Variants in IQCM observed in about 807,000 individuals in gnomAD.
IQCM encodes IQ motif containing M.
A neutral mutation model predicts 57.6 loss-of-function variants in IQCM; 45 were observed. The ratio of observed to expected loss-of-function variants is 0.78; its 90% CI spans 0.62 to 1.00. The LOEUF (loss-of-function observed/expected upper bound fraction) is 1.00, where lower values mean the gene tolerates loss of function less well. IQCM is among the 50% of genes least tolerant of loss of function. IQCM has a pLI of 0.00. For missense variants in IQCM, 468 were observed against 511.6 expected (o/e 0.91, Z 0.82); for synonymous variants, 148 against 158.9 (o/e 0.93, Z 0.51).
At chr4:149,631,225 A>C (rs992939335) in intron 7 of IQCM, among the ~76,000 whole-genome samples, 2 of 152,236 alleles carry the variant, frequency 1.3e-5, no homozygotes, top group South Asian at 4.1e-4. Context: ...CCACTGGGAG[A>C]GAACTATCGG....
intron 5 of IQCM, among the ~76,000 whole-genome samples, chr4:149,709,072 ATG>A (rs1764368302): frequency 6.6e-6 from 1 of 152,130 alleles, no homozygotes; most frequent in Admixed American, 6.6e-5. Context: ...TGACAAAAAC[ATG>A]TGTCACAGTT....
intron 7 of IQCM, chr4:149,665,912 C>T (rs916116742): frequency 6.6e-6 from 1 of 152,120 alleles, no homozygotes; most frequent in Non-Finnish European, 1.5e-5. Flanking sequence ...TGCCCTCAAA[C>T]ATCAGACTCA....
At chr4:149,511,335 A>T (rs755682586) in intron 12 of IQCM, among the ~76,000 whole-genome samples, 20 of 151,718 alleles carry the variant, frequency 1.3e-4, no homozygotes, top group South Asian at 8.3e-4. Flanking sequence ...ATTGGCCAAC[A>T]TGGTGAAACC....
At chr4:149,375,825 A>G (rs552254425) in intron 13 of IQCM, among the ~76,000 whole-genome samples, 4 of 152,288 alleles carry the variant, frequency 2.6e-5, no homozygotes, top group Non-Finnish European at 5.9e-5. Context: ...TAAACTTACA[A>G]ATAATCATTT....
At chr4:149,381,317 T>G (rs1253734561) in intron 13 of IQCM, among the ~76,000 whole-genome samples, 6 of 152,132 alleles carry the variant, frequency 3.9e-5, no homozygotes, top group African/African-American at 1.4e-4. Flanking sequence ...CAGTCTATTT[T>G]CTACACAGCA....
intron 13 of IQCM, among the ~76,000 whole-genome samples, chr4:149,356,896 T>C (rs1729035549): frequency 6.6e-6 from 1 of 152,214 alleles, no homozygotes; most frequent in South Asian, 2.1e-4. Context: ...GTTCTTCCAT[T>C]TCTTTGTATC....
chr4:149,637,321 A>C (rs1051459279), intron 7 of IQCM, among the ~76,000 whole-genome samples: 6 of 152,300 alleles, frequency 3.9e-5, no homozygotes, highest in Admixed American at 2.0e-4. Context: ...GGGTAAATTT[A>C]ATAAATAGCA....
intron 13 of IQCM, among the ~76,000 whole-genome samples, chr4:149,356,174 T>C (rs1728962723): frequency 6.6e-6 from 1 of 152,150 alleles, no homozygotes; most frequent in Admixed American, 6.6e-5. Flanking sequence ...GTTGCAAAAA[T>C]TTTCTCCCAT....
At chr4:149,679,947 G>C (rs987472008) in intron 7 of IQCM, among the ~76,000 whole-genome samples, 1 of 151,256 alleles carries the variant, frequency 6.6e-6, no homozygotes, top group Non-Finnish European at 1.5e-5. Context: ...ACAAAGTGTG[G>C]ACCACTCTTA....
At chr4:149,534,698 T>C (rs752066314) in intron 12 of IQCM, among the ~76,000 whole-genome samples, 4 of 152,082 alleles carry the variant, frequency 2.6e-5, no homozygotes, top group Non-Finnish European at 4.4e-5. Context: ...TCCATAAACA[T>C]CTCCTTTTAT....
At chr4:149,618,358 G>A (rs1216195823) in intron 8 of IQCM, among the ~76,000 whole-genome samples, 4 of 152,040 alleles carry the variant, frequency 2.6e-5, no homozygotes, top group African/African-American at 9.7e-5. Flanking sequence ...AACTCAAGAT[G>A]GATTAAAGAC....
At chr4:149,686,971 A>G (rs1253201306) in intron 5 of IQCM, among the ~76,000 whole-genome samples, 1 of 151,658 alleles carries the variant, frequency 6.6e-6, no homozygotes, top group East Asian at 1.9e-4. Context: ...TTTTTAAAAA[A>G]TCTACTTCTT....
At chr4:149,649,755 C>T (rs1758985229) in intron 7 of IQCM, among the ~76,000 whole-genome samples, 1 of 152,066 alleles carries the variant, frequency 6.6e-6, no homozygotes, top group Non-Finnish European at 1.5e-5. Flanking sequence ...ACTAAGTATT[C>T]ATCTGTCCAT....
chr4:149,729,177 C>T (rs1004726381), intron 5 of IQCM, among the ~76,000 whole-genome samples: 4 of 152,162 alleles, frequency 2.6e-5, no homozygotes, highest in South Asian at 2.1e-4. Flanking sequence ...TGTCCTGGGA[C>T]GCGCTCTCTT....
chr4:149,481,706 T>TTTTTTTTTGTTTTTTGTTTTG (rs1553975416), intron 12 of IQCM, among the ~76,000 whole-genome samples: 1 of 133,370 alleles, frequency 7.5e-6, no homozygotes, highest in African/African-American at 2.8e-5. Flanking sequence ...GTTTTGTTTT[T>TTTTTTTTTGTTTTTTGTTTTG]TTTTTTTTTT....
chr4:149,416,569 G>A (rs1189722976), intron 13 of IQCM, among the ~76,000 whole-genome samples: 1 of 152,084 alleles, frequency 6.6e-6, no homozygotes, highest in African/African-American at 2.4e-5. Context: ...CTAGGTCGGT[G>A]ATTCTAGTGT....
intron 12 of IQCM, among the ~76,000 whole-genome samples, chr4:149,492,783 C>T (rs1560909866): frequency 1.3e-5 from 2 of 152,208 alleles, no homozygotes; most frequent in Non-Finnish European, 2.9e-5. Context: ...TTAAAACAAG[C>T]TTACCCTTAC....
intron 12 of IQCM, among the ~76,000 whole-genome samples, chr4:149,446,663 G>A (rs1400268550): frequency 1.3e-5 from 2 of 151,400 alleles, no homozygotes; most frequent in Non-Finnish European, 3.0e-5. Context: ...CTTATTTCAG[G>A]TTAAAAATTC....
chr4:149,726,357 C>T (rs1243634784), intron 5 of IQCM, among the ~76,000 whole-genome samples: 3 of 152,150 alleles, frequency 2.0e-5, no homozygotes, highest in Admixed American at 2.0e-4. Flanking sequence ...TGCATCTGCA[C>T]TCATGTCCCT....
Sources: allele counts gnomAD v4.1 joint callset (sites outside exome capture counted in the v4.1 genomes callset), GRCh38; gene constraint gnomAD v4.1.1; transcripts MANE v1.5; gene names NCBI Gene and HGNC (gene_info 2026-07-23, HGNC 2026-07-21).